The following LIPE variants were observed in gnomAD, a reference collection of about 807,000 sequenced individuals.
LIPE encodes the protein lipase E, hormone sensitive type, also known as hormone-sensitive lipase.
Under a neutral mutation model 88.5 loss-of-function variants are expected in LIPE, and 66 were observed. That is an observed-to-expected ratio of 0.75 (90% CI 0.61 to 0.91). The LOEUF (loss-of-function observed/expected upper bound fraction) is 0.91, where lower values mean the gene tolerates loss of function less well. LIPE is among the 40% of genes least tolerant of loss of function. The probability of loss-of-function intolerance (pLI) is 0.00; values close to 1 mark genes in which losing one functional copy is unlikely to be tolerated. For missense variants in LIPE, 1,346 were observed against 1,434.7 expected, an observed-to-expected ratio of 0.94 and a Z score of 1.00; for synonymous variants, 570 against 617.5, an observed-to-expected ratio of 0.92 and a Z score of 1.14.
At chr19:42,422,419 G>A (rs2040615939) in intron 1 of LIPE, among the ~76,000 whole-genome samples, 2 of 152,218 alleles carry the variant, frequency 1.3e-5, no homozygotes, top group Admixed American at 1.3e-4. Flanking sequence ...GAGGCTCAGT[G>A]TCTTGCTGTG....
chr19:42,405,004 G>A (rs2040123389), intron 8 of LIPE, among the ~76,000 whole-genome samples: 1 of 152,082 alleles, frequency 6.6e-6, no homozygotes, highest in Non-Finnish European at 1.5e-5. Context: ...TCTGGTAGCT[G>A]GGACTACAGG....
chr19:42,410,723 A>G lies in LIPE; in HGVS notation c.1003T>C (p.Ser335Pro), dbSNP rs1284996026. Residue 335 changes from serine (S) to proline (P), a missense_variant, in exon 2 of 10, where the codon TCA (serine) becomes CCA (proline). Coordinates refer to ENST00000244289, the MANE Select transcript of LIPE (RefSeq NM_005357.4). The surrounding 1 kb of genome is among the most constrained non-coding windows in gnomAD (Gnocchi z 6.1). ...QGPGETAQRL[S>P]GVFAGVREQA... ...TCCCGTACACCGGCAAAAACGCCTG[A>G]CAGCCGCTGGGCCGTTTCCCCAGGA... is the stretch of plus-strand genomic sequence containing the variant. 2 of 1,613,826 alleles carry G rather than the reference A, an allele frequency of 1.2e-6. No individual in the cohort carries two copies. Among genetic ancestry groups the G allele is most frequent in the East Asian group, 2.2e-5 (1 of 44,858 alleles).
chr19:42,418,082 A>T (rs926758582), intron 1 of LIPE, among the ~76,000 whole-genome samples: 1 of 151,886 alleles, frequency 6.6e-6, no homozygotes, highest in African/African-American at 2.4e-5. Flanking sequence ...TCCCAGGTTC[A>T]AGTGATTCTC....
rs2040457420 is a variant in LIPE, at chr19:42,414,906, C to G, written c.884-4064G>C. Reference sequence around the variant, plus strand: ...TCCACTGACCAGCCATTTCCCCCATCTCTCTTCTCGAGCCTCCATATTCCC... The same window carrying G: ...TCCACTGACCAGCCATTTCCCCCATGTCTCTTCTCGAGCCTCCATATTCCC... On this transcript the variant is annotated intron_variant, in intron 1 of 9. Transcript: ENST00000244289. This position sits in a 1 kb window ranked among gnomAD's most constrained non-coding sequence, Gnocchi z 4.6. Among the ~76,000 whole-genome samples, 1 of 152,212 alleles carries G rather than the reference C, an allele frequency of 6.6e-6. No homozygotes were observed. The highest frequency in any genetic ancestry group is 2.4e-5 in the African/African-American group (1 of 41,454).
Position 42,414,802 on chromosome 19 carries a change from T to C in LIPE, c.884-3960A>G, listed in dbSNP as rs1319954060. Among the ~76,000 whole-genome samples the C allele has an allele frequency of 6.6e-6, 1 of 152,236 alleles. No homozygotes were observed. Among genetic ancestry groups the C allele is most frequent in the Non-Finnish European group, 1.5e-5 (1 of 68,042 alleles). On this transcript the variant is annotated intron_variant, in intron 1 of 9. Transcript: ENST00000244289. The surrounding 1 kb of genome is among the most constrained non-coding windows in gnomAD (Gnocchi z 4.6). ...TGATCAATGATCTCTGGTGTTACTA[T>C]TGTGAGTGGGGGCACCACCAACCAT...
chr19:42,406,676 G>T lies in LIPE; in HGVS notation c.2138-288C>A, dbSNP rs898353798. Among the ~76,000 whole-genome samples, 15 of 152,252 alleles carry T rather than the reference G, an allele frequency of 9.9e-5. No homozygotes were observed. The highest frequency in any genetic ancestry group is 3.3e-4 in the Admixed American group (5 of 15,296). ...AGCAGGGAGGGCAGGTGGTGGGAAA[G>T]GGGAGCTGAGCTCAGGCCTGTTGCA... On this transcript the variant is annotated intron_variant, in intron 6 of 9. Transcript: ENST00000244289. The surrounding 1 kb of genome is among the most constrained non-coding windows in gnomAD (Gnocchi z 5.7).
intron 1 of LIPE, chr19:42,423,911 C>A (rs1171694344): frequency 3.5e-6 from 4 of 1,154,010 alleles, no homozygotes; most frequent in Non-Finnish European, 4.3e-6. Context: ...CTCAGTCTCG[C>A]CATCCCACTC....
At position 42,405,465 on chromosome 19, in the gene LIPE, C is replaced by T. The variant is rs549831307; in HGVS notation, c.2462G>A (p.Arg821His). 1.7e-5 allele frequency: 28 copies of T among 1,614,046 alleles called. No homozygotes were observed. In the African/African-American group the frequency reaches 2.0e-4, roughly 12 times the overall value. The change falls in exon 8 of 10, where the codon CGC becomes CAC. Residue 821 changes from arginine (R) to histidine (H), a missense_variant. Physicochemically the swap from Arg to His is conservative, Grantham distance 29. Coordinates refer to ENST00000244289, the MANE Select transcript of LIPE (RefSeq NM_005357.4). Reference sequence around the variant, plus strand: ...GTTGAGCCATGAGGAGGCACCCAGGCGGAAGTCTCGGAGGAGCAGGGCTGT... The same window carrying T: ...GTTGAGCCATGAGGAGGCACCCAGGTGGAAGTCTCGGAGGAGCAGGGCTGT... ...RDTALLLRDF[R>H]LGASSWLNSF...
Position 42,406,018 on chromosome 19 carries a change from A to ACG in LIPE, c.2365+141_2365+142dup, listed in dbSNP as rs1306767634. 30 of 619,340 alleles carry ACG rather than the reference A, an allele frequency of 4.8e-5. No homozygotes were observed. The South Asian group carries it at 5.6e-4, about 12-fold the overall frequency. The allele number at this position is 619,340 out of a possible 1,614,324, so 38.4% of individuals were successfully genotyped here. A position where few individuals can be genotyped will look rare whatever the true frequency, so the allele number is the denominator to read the frequency against. On this transcript the variant is annotated intron_variant, in intron 7 of 9. Transcript: ENST00000244289. The surrounding 1 kb of genome is among the most constrained non-coding windows in gnomAD (Gnocchi z 5.7). ...CACACACACACACACACACACACACACGAAAAAAAAGGGACAAGGAGTCTT... is the reference window on the plus strand; with the variant it reads ...CACACACACACACACACACACACACACGCGAAAAAAAAGGGACAAGGAGTCTT...
chr19:42,412,619 T>G, intron 1 of LIPE: 12 of 973,792 alleles, frequency 1.2e-5, no homozygotes, highest in Non-Finnish European at 1.5e-5. Flanking sequence ...CTCCTCTGCC[T>G]TAGAACCCAG....
In LIPE at chr19:42,406,491, G is replaced by T; in HGVS notation, c.2138-103C>A. 2.1e-6 allele frequency: 2 copies of T among 943,730 alleles called. No homozygotes were observed. Among genetic ancestry groups the T allele is most frequent in the East Asian group, 2.6e-5 (1 of 38,596 alleles). The allele number at this position is 943,730 out of a possible 1,614,324, so 58.5% of individuals were successfully genotyped here. On this transcript the variant is annotated intron_variant, in intron 6 of 9. Coordinates refer to ENST00000244289, the MANE Select transcript of LIPE (RefSeq NM_005357.4). The surrounding 1 kb of genome is among the most constrained non-coding windows in gnomAD (Gnocchi z 5.7). Reference sequence around the variant, plus strand: ...CTGGGAGAACTGGGCTCTCCAAGGTGGGGTGTGGGGCACTCCAAGGCCTAG... The same window carrying T: ...CTGGGAGAACTGGGCTCTCCAAGGTTGGGTGTGGGGCACTCCAAGGCCTAG...
At chr19:42,409,097 GA>G (rs2040288132) in intron 2 of LIPE, among the ~76,000 whole-genome samples, 1 of 152,060 alleles carries the variant, frequency 6.6e-6, no homozygotes, top group Non-Finnish European at 1.5e-5. Context: ...GAGGCAGCTG[GA>G]AGACAGGAAC....
rs1422225586 is a variant in LIPE, at chr19:42,408,104, G to A, written c.1528C>T (p.Leu510Phe). The change falls in exon 4 of 10, where the codon CTC (leucine) becomes TTC (phenylalanine). Residue 510 changes from leucine (L) to phenylalanine (F), a missense_variant. Coordinates refer to ENST00000244289, the MANE Select transcript of LIPE (RefSeq NM_005357.4). This position sits in a 1 kb window ranked among gnomAD's most constrained non-coding sequence, Gnocchi z 4.3. ...ETGLSVAASS[L>F]FTSGRFAIDP... ...ATGGCAAAGCGGCCGCTGGTGAAGA[G>A]AGAGCTGGCGGCCACACCTAGGGGT... 1.9e-6 allele frequency: 3 copies of A among 1,613,842 alleles called. No individual in the cohort carries two copies. The highest frequency in any genetic ancestry group is 3.3e-5 in the Admixed American group (2 of 59,992).
At chr19:42,421,161 A>G (rs1244189986) in intron 1 of LIPE, among the ~76,000 whole-genome samples, 1 of 152,124 alleles carries the variant, frequency 6.6e-6, no homozygotes, top group African/African-American at 2.4e-5. Flanking sequence ...GGCCTCCCAA[A>G]GTGCCAGGAT....
chr19:42,410,509 C>G lies in LIPE; in HGVS notation c.1217G>C (p.Ser406Thr). The change falls in exon 2 of 10, where the codon AGC becomes ACC. Residue 406 changes from serine to threonine, a missense_variant. Transcript: ENST00000244289. The surrounding 1 kb of genome is among the most constrained non-coding windows in gnomAD (Gnocchi z 6.1). Reference sequence around the variant, plus strand: ...GGCCTCCAGCTCGGCCAGGTTGTGGCTGGTGCGGAAGAAGATGCTGCGGCG... The same window carrying G: ...GGCCTCCAGCTCGGCCAGGTTGTGGGTGGTGCGGAAGAAGATGCTGCGGCG... ...SNRRSIFFRT[S>T]HNLAELEAYL... 1 of 1,613,434 alleles carries G rather than the reference C, an allele frequency of 6.2e-7. No homozygotes were observed. Among genetic ancestry groups the G allele is most frequent in the Non-Finnish European group, 8.5e-7 (1 of 1,179,996 alleles).
Position 42,427,363 on chromosome 19 carries a change from C to A in LIPE, c.-214G>T. ...CCACTAAGTAATGAACTCTGTGCCT[C>A]TTTCTTTGGTGGGAGGATTAGGAAT... On this transcript the variant is annotated 5_prime_UTR_variant, in exon 1 of 10. Coordinates refer to ENST00000244289, the MANE Select transcript of LIPE (RefSeq NM_005357.4). The A allele has an allele frequency of 1.3e-6, 1 of 784,480 alleles. No individual in the cohort carries two copies. The allele number at this position is 784,480 out of a possible 1,614,324, so 48.6% of individuals were successfully genotyped here.
intron 1 of LIPE, among the ~76,000 whole-genome samples, chr19:42,413,500 C>A (rs1220860886): frequency 1.3e-5 from 2 of 152,138 alleles, no homozygotes; most frequent in Non-Finnish European, 2.9e-5. Flanking sequence ...CCCGTCTCTA[C>A]TAAAAATACA....
intron 9 of LIPE, 95 bp downstream of exon 9, chr19:42,402,512 T>C (rs1338620299): frequency 8.8e-7 from 1 of 1,142,464 alleles, no homozygotes; most frequent in Non-Finnish European, 1.2e-6. Flanking sequence ...ACTCCGGAGC[T>C]CTTTTTCCCA....
In LIPE at chr19:42,403,396, A is replaced by G. The variant is rs2040061722; in HGVS notation, c.2543-365T>C. ...TTCATAGGTGGCAGGACTCAGTGGGATAAGATGTGGGATTAGGTACCGCTA... is the reference window on the plus strand; with the variant it reads ...TTCATAGGTGGCAGGACTCAGTGGGGTAAGATGTGGGATTAGGTACCGCTA... On this transcript the variant is annotated intron_variant, in intron 8 of 9. Transcript: ENST00000244289. Among the ~76,000 whole-genome samples the G allele has an allele frequency of 2.0e-5, 3 of 151,536 alleles. No individual in the cohort carries two copies. In the South Asian group the frequency reaches 6.3e-4, roughly 32 times the overall value.
Sources: allele counts gnomAD v4.1 joint callset (sites outside exome capture counted in the v4.1 genomes callset), GRCh38; gene constraint gnomAD v4.1.1; non-coding constraint Gnocchi (gnomAD v3.1); transcripts MANE v1.5; gene names NCBI Gene and HGNC (gene_info 2026-07-23, HGNC 2026-07-21).